ZPBP: variants seen among roughly 807,000 people sequenced by gnomAD.
The protein encoded by ZPBP is zona pellucida binding protein, also known as zona pellucida-binding protein 1.
ZPBP carries 26 observed loss-of-function variants against 44.8 expected under a neutral mutation model. That is an observed-to-expected ratio of 0.58 (90% CI 0.43 to 0.81). The LOEUF (loss-of-function observed/expected upper bound fraction) is 0.81, where lower values mean the gene tolerates loss of function less well. Among genes scored for constraint, ZPBP ranks in the 30% least tolerant of loss-of-function variants. The pLI is 0.00. For synonymous variants in ZPBP, 174 were observed against 153.2 expected (o/e 1.14, Z -1.00); for missense variants, 409 against 434.0 (o/e 0.94, Z 0.51).
intron 5 of ZPBP, among the ~76,000 whole-genome samples, chr7:50,022,328 A>G (rs1239674287): frequency 1.3e-5 from 2 of 152,124 alleles, no homozygotes; most frequent in Non-Finnish European, 2.9e-5. Flanking sequence ...AATAATTACA[A>G]TCTATGTTAG....
chr7:49,947,301 G>T (rs1795141711), intron 7 of ZPBP, among the ~76,000 whole-genome samples: 1 of 152,068 alleles, frequency 6.6e-6, no homozygotes, highest in Non-Finnish European at 1.5e-5. Flanking sequence ...ATTTATTGTG[G>T]TCTTCGCAGT....
In ZPBP at chr7:50,013,165, G is replaced by C. The variant is rs563274468; in HGVS notation, c.783+5075C>G. ...TCTGCAGAGATAAAATTATTACATA[G>C]AAGACTGTTCCAACCCAAGCCCTAT... On this transcript the variant is annotated intron_variant, in intron 6 of 7. Transcript: ENST00000046087. Among the ~76,000 whole-genome samples, 23 of 151,792 alleles carry C rather than the reference G, an allele frequency of 1.5e-4. No individual in the cohort carries two copies. In the East Asian group the frequency reaches 4.4e-3, roughly 29 times the overall value.
At chr7:49,905,272 A>T (rs1295705837) in intron 1 of ZPBP, among the ~76,000 whole-genome samples, 2 of 152,200 alleles carry the variant, frequency 1.3e-5, no homozygotes, top group Admixed American at 1.3e-4. Context: ...TTATCATGAG[A>T]GTACATGATA....
intron 1 of ZPBP, among the ~76,000 whole-genome samples, chr7:49,902,554 C>CA (rs34786165): frequency 0.34 from 35,816 of 106,376 alleles, 5,510 homozygotes; most frequent in Middle Eastern, 0.45. Context: ...TATCCGTAGC[C>CA]AAAAAAAAAA....
rs147616185 is a variant in ZPBP at position 50,081,435 on chromosome 7, T to G, written c.334+339A>C. ...TAGAATAAAAGTAAAAAGTAAAATC[T>G]GTATTTCAGGATTAAAAAACAAGAA... On this transcript the variant is annotated intron_variant, in intron 3 of 7. Transcript: ENST00000046087. Among the ~76,000 whole-genome samples, 658 of 151,864 alleles carry G rather than the reference T, an allele frequency of 4.3e-3. 1 individual carries two copies. The highest frequency in any genetic ancestry group is 0.014 in the African/African-American group (562 of 41,520).
chr7:49,937,665 C>T (rs1300115811), intron 7 of ZPBP, 43 bp from the exon 8 acceptor site: 4 of 1,447,444 alleles, frequency 2.8e-6, no homozygotes, highest in Middle Eastern at 1.7e-4. Flanking sequence ...TTTCCTAATA[C>T]ACATAATATA....
In ZPBP at chr7:49,983,450, G is replaced by A. The variant is rs755921272; in HGVS notation, c.853C>T (p.Pro285Ser). The change falls in exon 7 of 8, where the codon CCT becomes TCT. Residue 285 changes from proline to serine, a missense_variant. Coordinates refer to ENST00000046087, the MANE Select transcript of ZPBP (RefSeq NM_007009.3). ...GTACCTTCAATATAGTATATTTGAG[G>A]TAATTGTTCTGCACGTCTGCCAAGA... ...EILGRRAEQL[P>S]QIYYIEGTLQ... 6.2e-7 allele frequency: 1 copy of A among 1,611,908 alleles called. No homozygotes were observed. The highest frequency in any genetic ancestry group is 1.7e-5 in the Admixed American group (1 of 59,908).
chr7:49,974,715 T>C (rs1488828964), intron 7 of ZPBP, among the ~76,000 whole-genome samples: 1 of 152,142 alleles, frequency 6.6e-6, no homozygotes, highest in Non-Finnish European at 1.5e-5. Context: ...GATGCTAAAG[T>C]TAGTTCATCA....
At chr7:50,084,055 C>T (rs1344230289) in intron 2 of ZPBP, among the ~76,000 whole-genome samples, 1 of 151,844 alleles carries the variant, frequency 6.6e-6, no homozygotes, top group Non-Finnish European at 1.5e-5. Flanking sequence ...GTTAATAATG[C>T]ATTTATAACT....
At chr7:49,943,225 T>TA (rs1369157123) in intron 7 of ZPBP, 1 of 316,682 alleles carries the variant, frequency 3.2e-6, no homozygotes, top group African/African-American at 2.2e-5. Context: ...GTCTTGCTGA[T>TA]ATATTCTGGC....
At chr7:50,064,954 G>A (rs1801426753) in intron 3 of ZPBP, among the ~76,000 whole-genome samples, 1 of 152,212 alleles carries the variant, frequency 6.6e-6, no homozygotes, top group African/African-American at 2.4e-5. Flanking sequence ...TTTATGTTTA[G>A]AGATTGCAGT....
At chr7:49,936,408 T>G (rs1385074505), downstream of ZPBP, among the ~76,000 whole-genome samples, 1 of 152,236 alleles carries the variant, frequency 6.6e-6, no homozygotes, top group Non-Finnish European at 1.5e-5. Context: ...GTACATAGCA[T>G]GGAAAAATGA....
At chr7:49,915,416 G>A (rs1331082425) in intron 1 of ZPBP, 1 of 152,156 alleles carries the variant, frequency 6.6e-6, no homozygotes, top group Non-Finnish European at 1.5e-5. Context: ...ATGCTAAGAA[G>A]AATTATCATG....
downstream of ZPBP, among the ~76,000 whole-genome samples, chr7:49,849,046 A>C (rs1441980744): frequency 6.6e-6 from 1 of 152,170 alleles, no homozygotes; most frequent in Non-Finnish European, 1.5e-5. Flanking sequence ...TGCTTGCTTC[A>C]TGTATGACAA....
At chr7:49,942,555 C>G (rs1794933873) in intron 7 of ZPBP, 1 of 152,684 alleles carries the variant, frequency 6.5e-6, no homozygotes, top group Non-Finnish European at 1.5e-5. Flanking sequence ...TCACTTAGTA[C>G]CTTGGATATT....
At chr7:49,861,674 G>A (rs540894569) in intron 2 of ZPBP, among the ~76,000 whole-genome samples, 1 of 152,262 alleles carries the variant, frequency 6.6e-6, no homozygotes, top group South Asian at 2.1e-4. Flanking sequence ...TTTTGTATAT[G>A]GTATGAGGTA....
At chr7:49,998,905 CACAA>C (rs1207690880) in intron 6 of ZPBP, among the ~76,000 whole-genome samples, 4 of 152,182 alleles carry the variant, frequency 2.6e-5, no homozygotes, top group South Asian at 2.1e-4. Flanking sequence ...AATGCACACA[CACAA>C]ACACACACAC....
chr7:50,061,298 G>A (rs566600501), intron 3 of ZPBP, among the ~76,000 whole-genome samples: 28 of 152,262 alleles, frequency 1.8e-4, no homozygotes, highest in African/African-American at 6.3e-4. Context: ...CATAGTTCTG[G>A]AAGTTCAAAC....
chr7:49,944,071 A>G, intron 7 of ZPBP: 1 of 232,800 alleles, frequency 4.3e-6, no homozygotes, highest in South Asian at 6.0e-5. Flanking sequence ...GCTGGATTCA[A>G]TCTTAGAGAA....
Sources: allele counts gnomAD v4.1 joint callset (sites outside exome capture counted in the v4.1 genomes callset), GRCh38; gene constraint gnomAD v4.1.1; transcripts MANE v1.5; gene names NCBI Gene and HGNC (gene_info 2026-07-23, HGNC 2026-07-21).